The following REEP3 variants were observed in gnomAD, a reference collection of about 807,000 sequenced individuals.
The protein encoded by REEP3 is receptor expression-enhancing protein 3.
In REEP3, 20 loss-of-function variants were observed where a neutral mutation model predicts 41.3. The observed-to-expected ratio is 0.48, with a 90% CI of 0.34 to 0.70. The LOEUF (loss-of-function observed/expected upper bound fraction) is 0.70. Ranked by LOEUF, REEP3 falls within the 30% of genes least tolerant of loss-of-function variation. REEP3 has a pLI of 0.01. For missense variants in REEP3, 271 were observed against 308.8 expected, an observed-to-expected ratio of 0.88 and a Z score of 0.92; for synonymous variants, 104 against 101.8, an observed-to-expected ratio of 1.02 and a Z score of -0.13.
At chr10:63,572,701 A>C (rs1564481887) in intron 2 of REEP3, among the ~76,000 whole-genome samples, 1 of 152,162 alleles carries the variant, frequency 6.6e-6, no homozygotes, top group Non-Finnish European at 1.5e-5. Context: ...ATAGTATCTG[A>C]TGTTATATTC....
At chr10:63,582,689 G>A (rs1955965823) in intron 2 of REEP3, among the ~76,000 whole-genome samples, 1 of 152,088 alleles carries the variant, frequency 6.6e-6, no homozygotes, top group Non-Finnish European at 1.5e-5. Context: ...GCTGGCTCTA[G>A]ACCAAATGTC....
Position 63,521,477 on chromosome 10 carries a change from C to A in REEP3, c.-69C>A. 4.6e-6 allele frequency: 5 copies of A among 1,098,890 alleles called. No homozygotes were observed. The highest frequency in any genetic ancestry group is 4.7e-6 in the Non-Finnish European group (4 of 845,192). 68.1% of individuals were successfully genotyped at this position (1,098,890 alleles called of 1,614,324 possible). On this transcript the variant is annotated 5_prime_UTR_variant, in exon 1 of 8. Coordinates refer to ENST00000373758, the MANE Select transcript of REEP3 (RefSeq NM_001001330.3). ...GGAGCCGGCGAAGCGCGCGGCCTGC[C>A]GTTGGCGGCCTGGTCCGCAGCGCCC...
At chr10:63,575,888 C>T (rs1443644037) in intron 2 of REEP3, among the ~76,000 whole-genome samples, 1 of 152,134 alleles carries the variant, frequency 6.6e-6, no homozygotes, top group Non-Finnish European at 1.5e-5. Flanking sequence ...CATGTGCCAC[C>T]AGGCCCAGCT....
At chr10:63,532,480 G>A (rs1176167686) in intron 1 of REEP3, among the ~76,000 whole-genome samples, 1 of 152,016 alleles carries the variant, frequency 6.6e-6, no homozygotes, top group Non-Finnish European at 1.5e-5. Context: ...GGCTAACACG[G>A]TGAAACCCTG....
intron 1 of REEP3, among the ~76,000 whole-genome samples, chr10:63,536,588 C>G (rs989914776): frequency 6.6e-6 from 1 of 151,944 alleles, no homozygotes; most frequent in African/African-American, 2.4e-5. Flanking sequence ...GAGTAAAAAA[C>G]GTCAACAGTT....
At chr10:63,570,572 G>A (rs1029337609) in intron 2 of REEP3, among the ~76,000 whole-genome samples, 1 of 152,104 alleles carries the variant, frequency 6.6e-6, no homozygotes, top group Non-Finnish European at 1.5e-5. Context: ...CCGGAAAAAA[G>A]ATTTTCTTAA....
intron 6 of REEP3, among the ~76,000 whole-genome samples, chr10:63,611,216 G>A (rs1956274894): frequency 6.6e-6 from 1 of 152,180 alleles, no homozygotes; most frequent in Non-Finnish European, 1.5e-5. Context: ...GTTCTAACCT[G>A]TAATCAATAC....
intron 6 of REEP3, among the ~76,000 whole-genome samples, chr10:63,611,785 A>ATT (rs1302598086): frequency 2.1e-5 from 3 of 146,132 alleles, no homozygotes; most frequent in African/African-American, 5.0e-5. Context: ...GCAAAAAAAA[A>ATT]TTTTTTTTTT....
rs141368168 is a variant in REEP3, at chr10:63,574,156, A to G, written c.105+7746A>G. Among the ~76,000 whole-genome samples, 956 of 152,246 alleles carry G rather than the reference A, an allele frequency of 6.3e-3. 3 individuals are homozygous for G. The highest frequency in any genetic ancestry group is 0.011 in the Admixed American group (170 of 15,290). On this transcript the variant is annotated intron_variant, in intron 2 of 7. Coordinates refer to ENST00000373758, the MANE Select transcript of REEP3 (RefSeq NM_001001330.3). The stretch of plus-strand genomic sequence containing the variant: ...TTGCCATATTCCAAATAACATACTT[A>G]TTGTGCTATTTCTTAATTTTTCAGA...
intron 1 of REEP3, among the ~76,000 whole-genome samples, chr10:63,528,229 C>T (rs1955385156): frequency 6.6e-6 from 1 of 152,188 alleles, no homozygotes. Context: ...GAACTTAAGA[C>T]ATCCAAAACT....
chr10:63,523,533 G>A (rs1955319281), intron 1 of REEP3, among the ~76,000 whole-genome samples: 1 of 152,180 alleles, frequency 6.6e-6, no homozygotes, highest in African/African-American at 2.4e-5. Context: ...GCTACTCAGG[G>A]ACTGAGGTAG....
intron 2 of REEP3, among the ~76,000 whole-genome samples, chr10:63,574,992 G>A (rs10995562): frequency 6.6e-6 from 1 of 151,072 alleles, no homozygotes; most frequent in African/African-American, 2.4e-5. Context: ...AAGTAGCTGA[G>A]ATTATAGGCA....
chr10:63,595,268 G>A, intron 3 of REEP3, among the ~76,000 whole-genome samples: 1 of 152,186 alleles, frequency 6.6e-6, no homozygotes, highest in East Asian at 1.9e-4. Context: ...ATTTGAACTG[G>A]AAAACGTCAG....
intron 2 of REEP3, among the ~76,000 whole-genome samples, chr10:63,591,342 G>A (rs59066566): frequency 6.6e-6 from 1 of 151,780 alleles, no homozygotes; most frequent in African/African-American, 2.4e-5. Flanking sequence ...ATAATACATG[G>A]TCATTGAATT....
chr10:63,610,391 A>C, intron 6 of REEP3, 57 bp downstream of exon 6: 1 of 1,507,598 alleles, frequency 6.6e-7, no homozygotes. Context: ...GAGGGGAACA[A>C]CATACACTGG....
At chr10:63,601,622 C>A (rs1283634649) in intron 5 of REEP3, among the ~76,000 whole-genome samples, 4 of 152,004 alleles carry the variant, frequency 2.6e-5, no homozygotes, top group Non-Finnish European at 5.9e-5. Flanking sequence ...AGGGATGATA[C>A]TAAAACCAGT....
intron 2 of REEP3, among the ~76,000 whole-genome samples, chr10:63,590,445 A>G (rs1956050627): frequency 6.6e-6 from 1 of 152,174 alleles, no homozygotes; most frequent in Admixed American, 6.5e-5. Context: ...GTATATGTGC[A>G]TGTGTCCCCA....
At chr10:63,589,909 C>T (rs550733098) in intron 2 of REEP3, among the ~76,000 whole-genome samples, 9 of 149,316 alleles carry the variant, frequency 6.0e-5, no homozygotes, top group African/African-American at 2.2e-4. Context: ...ATTCTCCTGC[C>T]TCAGCCTCCC....
At chr10:63,587,178 A>AG (rs1956015820) in intron 2 of REEP3, among the ~76,000 whole-genome samples, 1 of 152,210 alleles carries the variant, frequency 6.6e-6, no homozygotes, top group Admixed American at 6.5e-5. Context: ...ACACTTGCCA[A>AG]GGGATCACAA....
Sources: allele counts gnomAD v4.1 joint callset (sites outside exome capture counted in the v4.1 genomes callset), GRCh38; gene constraint gnomAD v4.1.1; transcripts MANE v1.5; gene names NCBI Gene and HGNC (gene_info 2026-07-23, HGNC 2026-07-21).